LRRTM4: variants seen among roughly 807,000 people sequenced by gnomAD.
The protein encoded by LRRTM4 is leucine-rich repeat transmembrane neuronal protein 4.
LRRTM4 carries 25 observed loss-of-function variants against 47.6 expected under a neutral mutation model. That is an observed-to-expected ratio of 0.53 (90% CI 0.38 to 0.73). LRRTM4 has a LOEUF of 0.73. Ranked by LOEUF, LRRTM4 falls within the 30% of genes least tolerant of loss-of-function variation. LRRTM4 has a pLI of 0.00. For missense variants in LRRTM4, 638 were observed against 713.4 expected, an observed-to-expected ratio of 0.89 and a Z score of 1.20; for synonymous variants, 311 against 269.5, an observed-to-expected ratio of 1.15 and a Z score of -1.51.
At chr2:77,273,241 G>C (rs190613854) in intron 3 of LRRTM4, among the ~76,000 whole-genome samples, 1 of 152,026 alleles carries the variant, frequency 6.6e-6, no homozygotes, top group Non-Finnish European at 1.5e-5. Flanking sequence ...AATAGATAAT[G>C]CTATTAATGG....
chr2:76,906,210 G>C (rs1673832888), intron 3 of LRRTM4, among the ~76,000 whole-genome samples: 1 of 151,944 alleles, frequency 6.6e-6, no homozygotes, highest in Admixed American at 6.6e-5. Context: ...TTAAAGAAAA[G>C]AATTTTCAAC....
intron 3 of LRRTM4, among the ~76,000 whole-genome samples, chr2:76,873,447 GTATA>G (rs565358381): frequency 1.4e-5 from 2 of 143,486 alleles, no homozygotes; most frequent in Non-Finnish European, 3.0e-5. Flanking sequence ...TAGTCTGTGT[GTATA>G]TATATATAAC....
intron 3 of LRRTM4, among the ~76,000 whole-genome samples, chr2:77,491,937 T>C (rs970237785): frequency 1.3e-5 from 2 of 151,900 alleles, no homozygotes; most frequent in Non-Finnish European, 1.5e-5. Flanking sequence ...ACAGGTGATA[T>C]GCAAAAACGT....
chr2:77,043,229 C>A (rs1220246481), intron 3 of LRRTM4, among the ~76,000 whole-genome samples: 2 of 151,724 alleles, frequency 1.3e-5, no homozygotes, highest in Non-Finnish European at 2.9e-5. Flanking sequence ...GATTGCAGGT[C>A]AGAAGTTGCC....
chr2:76,812,488 C>T (rs1367900168), intron 3 of LRRTM4, among the ~76,000 whole-genome samples: 6 of 152,008 alleles, frequency 3.9e-5, no homozygotes, highest in African/African-American at 1.2e-4. Flanking sequence ...GCTTGCTAAA[C>T]TGTGGTTTAA....
chr2:77,291,052 G>C (rs181208656), intron 3 of LRRTM4, among the ~76,000 whole-genome samples: 1 of 152,070 alleles, frequency 6.6e-6, no homozygotes, highest in African/African-American at 2.4e-5. Flanking sequence ...AATAAGGTAA[G>C]AGTGGTGCTT....
rs533201231 is a variant in LRRTM4, at chr2:76,960,340, ATTT to A, written c.1552-211427_1552-211425del. 2.6e-5 allele frequency among the ~76,000 whole-genome samples: 4 copies of A among 151,782 alleles called. No individual in the cohort carries two copies. The East Asian group carries it at 7.8e-4, about 30-fold the overall frequency. On this transcript the variant is annotated intron_variant, in intron 3 of 3. Transcript: ENST00000409884. Reference sequence around the variant, plus strand: ...AACAGTGGAATTACATGCATTTTTTATTTTTTGTTTTATGATTTTCTATTTTTT... The same window carrying A: ...AACAGTGGAATTACATGCATTTTTTATTTGTTTTATGATTTTCTATTTTTT...
At chr2:76,965,303 CA>C (rs747881766) in intron 3 of LRRTM4, among the ~76,000 whole-genome samples, 12 of 151,170 alleles carry the variant, frequency 7.9e-5, no homozygotes, top group Non-Finnish European at 1.6e-4. Flanking sequence ...CAATCCTCAA[CA>C]AAATATTAGC....
intron 3 of LRRTM4, among the ~76,000 whole-genome samples, chr2:77,075,352 T>C (rs1013947699): frequency 4.6e-5 from 7 of 152,200 alleles, no homozygotes; most frequent in Admixed American, 1.3e-4. Context: ...TTTGTCTCGA[T>C]AAGAAAATCA....
intron 3 of LRRTM4, among the ~76,000 whole-genome samples, chr2:77,512,307 C>CT (rs888103357): frequency 1.3e-5 from 2 of 151,966 alleles, no homozygotes; most frequent in African/African-American, 2.4e-5. Context: ...AAATACTGTG[C>CT]TTTTTTTCTC....
chr2:76,992,815 A>G (rs1405837839), intron 3 of LRRTM4, among the ~76,000 whole-genome samples: 3 of 139,500 alleles, frequency 2.2e-5, no homozygotes, highest in Non-Finnish European at 4.6e-5. Flanking sequence ...AAGATAGCCA[A>G]AGAAATCCTG....
intron 3 of LRRTM4, among the ~76,000 whole-genome samples, chr2:76,925,231 T>A (rs1257757497): frequency 6.6e-6 from 1 of 152,150 alleles, no homozygotes; most frequent in Non-Finnish European, 1.5e-5. Flanking sequence ...AGAGATGCTT[T>A]CCTACTCTTC....
intron 3 of LRRTM4, among the ~76,000 whole-genome samples, chr2:76,794,946 CTGATAGAAGAATATCTTAATCTA>C (rs1675190082): frequency 6.6e-6 from 1 of 152,040 alleles, no homozygotes; most frequent in South Asian, 2.1e-4. Context: ...TGTGTAGACA[CTGATAGAAGAATATCTTAATCTA>C]AGGGTGGCTG....
chr2:77,088,548 G>A (rs981023821), intron 3 of LRRTM4, among the ~76,000 whole-genome samples: 1 of 151,080 alleles, frequency 6.6e-6, no homozygotes, highest in Non-Finnish European at 1.5e-5. Context: ...CCTATAAAAC[G>A]GCCCCACCCC....
chr2:76,810,822 C>T (rs980112960), intron 3 of LRRTM4, among the ~76,000 whole-genome samples: 16 of 152,104 alleles, frequency 1.1e-4, no homozygotes, highest in African/African-American at 3.9e-4. Flanking sequence ...TGTGAATGTG[C>T]TTTCTCAAGG....
chr2:77,025,211 G>T (rs1431749206), intron 3 of LRRTM4, among the ~76,000 whole-genome samples: 2 of 152,116 alleles, frequency 1.3e-5, no homozygotes, highest in Non-Finnish European at 2.9e-5. Flanking sequence ...GAAAAATATG[G>T]TGAGCTCTTT....
chr2:77,433,960 C>G (rs1225465611), intron 3 of LRRTM4, among the ~76,000 whole-genome samples: 1 of 152,186 alleles, frequency 6.6e-6, no homozygotes, highest in Admixed American at 6.5e-5. Context: ...AACAGAATCT[C>G]TACACAAGTT....
rs557369367 is a variant in LRRTM4 at position 77,073,755 on chromosome 2, G to GTC, written c.1552-324841_1552-324840dup. On this transcript the variant is annotated intron_variant, in intron 3 of 3. Transcript: ENST00000409884. Reference sequence around the variant, plus strand: ...CCCTTCCTTTATAATGTTTTTTTCTGTCTCTCTCTCTCTCTATATATACAA... The same window carrying GTC: ...CCCTTCCTTTATAATGTTTTTTTCTGTCTCTCTCTCTCTCTCTATATATACAA... Among the ~76,000 whole-genome samples, 804 of 150,442 alleles carry GTC rather than the reference G, an allele frequency of 5.3e-3. 7 individuals are homozygous for GTC. The highest frequency in any genetic ancestry group is 0.019 in the African/African-American group (766 of 41,016).
intron 3 of LRRTM4, among the ~76,000 whole-genome samples, chr2:77,428,637 A>G (rs1016572973): frequency 6.6e-6 from 1 of 152,194 alleles, no homozygotes; most frequent in Admixed American, 6.5e-5. Flanking sequence ...TATCAATTGG[A>G]TAACTGTTTA....
Sources: gnomAD v4.1 joint callset for allele counts (sites outside exome capture counted in the v4.1 genomes callset) on GRCh38, gnomAD v4.1.1 for gene constraint, MANE v1.5 for transcripts, NCBI Gene and HGNC (gene_info 2026-07-23, HGNC 2026-07-21) for gene names.